Variants in MTA3 observed in about 807,000 individuals in gnomAD.
The protein encoded by MTA3 is metastasis-associated protein MTA3.
MTA3 carries 34 observed loss-of-function variants against 83.5 expected under a neutral mutation model. That is an observed-to-expected ratio of 0.41 (90% CI 0.31 to 0.54). The LOEUF is 0.54. Among genes scored for constraint, MTA3 ranks in the 20% least tolerant of loss-of-function variants. The pLI is 0.33. For synonymous variants in MTA3, 303 were observed against 252.7 expected (o/e 1.20, Z -1.89); for missense variants, 761 against 726.4 (o/e 1.05, Z -0.55).
intron 2 of MTA3, among the ~76,000 whole-genome samples, chr2:42,548,830 ATATATATATATATATAATATATATATAT>A (rs1676896050): frequency 3.8e-4 from 2 of 5,288 alleles, no homozygotes; most frequent in Non-Finnish European, 8.1e-4. Flanking sequence ...TATATATATA[ATATATATATATATATAATATATATATAT>A]AATATATATA....
chr2:42,678,871 T>C (rs2104428102), intron 8 of MTA3, among the ~76,000 whole-genome samples: 1 of 152,158 alleles, frequency 6.6e-6, no homozygotes, highest in Non-Finnish European at 1.5e-5. Flanking sequence ...ACATTTGAGC[T>C]CTCCTACAGT....
At chr2:42,569,633 T>A (rs1678247601) in intron 1 of MTA3, 1 of 152,122 alleles carries the variant, frequency 6.6e-6, no homozygotes. Flanking sequence ...AAAGAGCCAC[T>A]AAGATAGACA....
At chr2:42,514,986 C>T (rs1040519502) in intron 2 of MTA3, among the ~76,000 whole-genome samples, 3 of 151,732 alleles carry the variant, frequency 2.0e-5, no homozygotes, top group Non-Finnish European at 2.9e-5. Flanking sequence ...CCACTATGAC[C>T]GGCCTAAACT....
chr2:42,704,875 G>A (rs77283849), intron 12 of MTA3, among the ~76,000 whole-genome samples: 11 of 152,118 alleles, frequency 7.2e-5, no homozygotes, highest in South Asian at 2.1e-4. Context: ...AAATGGGGTC[G>A]GTGAAGTGAA....
At position 42,587,035 on chromosome 2, in the gene MTA3, AT is replaced by A. The variant is rs567792382; in HGVS notation, c.190+7836del. Among the ~76,000 whole-genome samples, 833 of 151,694 alleles carry A rather than the reference AT, an allele frequency of 5.5e-3. 11 individuals are homozygous for A. Among genetic ancestry groups the A allele is most frequent in the African/African-American group, 0.019 (767 of 41,364 alleles). ...AGACTCCATCTCAAAAAAAATAAAA[AT>A]GCAAAAATTAGTCAGGTGTGGTGGC... On this transcript the variant is annotated intron_variant, in intron 3 of 16. Coordinates refer to ENST00000405094, the MANE Select transcript of MTA3 (RefSeq NM_001330442.2).
chr2:42,533,905 C>T (rs533648270), intron 2 of MTA3, among the ~76,000 whole-genome samples: 3 of 151,682 alleles, frequency 2.0e-5, no homozygotes, highest in African/African-American at 7.3e-5. Context: ...CCGATTTTCT[C>T]TCTTTCTTTT....
chr2:42,753,305 T>C (rs1670019987), intron 16 of MTA3, 69 bp from the exon 17 acceptor site: 1 of 1,548,506 alleles, frequency 6.5e-7, no homozygotes, highest in African/African-American at 1.4e-5. Context: ...GGTGAGTCCA[T>C]CCTCCCTTTC....
At position 42,555,442 on chromosome 2, in the gene MTA3, C is replaced by T. The variant is rs1387659433; in HGVS notation, c.-140-14995C>T. On this transcript the variant is annotated intron_variant, in intron 2 of 17. Transcript: ENST00000405592. ...TGCACTCCAGCCTGGGCAACAAGAGCGAAACTCCATCTCAAAAAAAAAAAA... is the reference window on the plus strand; with the variant it reads ...TGCACTCCAGCCTGGGCAACAAGAGTGAAACTCCATCTCAAAAAAAAAAAA... 1.8e-4 allele frequency among the ~76,000 whole-genome samples: 16 copies of T among 86,808 alleles called. No individual in the cohort carries two copies. The South Asian group carries it at 1.9e-3, about 10-fold the overall frequency. 56.9% of individuals were successfully genotyped at this position (86,808 alleles called of 152,430 possible).
intron 7 of MTA3, among the ~76,000 whole-genome samples, chr2:42,656,719 T>C (rs1381855948): frequency 6.6e-6 from 1 of 152,230 alleles, no homozygotes; most frequent in African/African-American, 2.4e-5. Flanking sequence ...GCATAGCACT[T>C]TGCCTTGAGA....
intron 5 of MTA3, among the ~76,000 whole-genome samples, chr2:42,640,700 A>C (rs956441135): frequency 6.6e-6 from 1 of 152,224 alleles, no homozygotes; most frequent in Admixed American, 6.5e-5. Context: ...CTCAACAAGA[A>C]ATGTAGTTAA....
At chr2:42,625,588 T>TA (rs1205324222) in intron 4 of MTA3, among the ~76,000 whole-genome samples, 2 of 149,688 alleles carry the variant, frequency 1.3e-5, no homozygotes, top group African/African-American at 5.0e-5. Context: ...CTACTAAAAA[T>TA]ACAAAAAAAT....
intron 3 of MTA3, among the ~76,000 whole-genome samples, chr2:42,582,143 C>T (rs899344187): frequency 1.3e-5 from 2 of 152,004 alleles, no homozygotes; most frequent in South Asian, 2.1e-4. Flanking sequence ...CTGCAAGCTC[C>T]GCCTCCCAGG....
intron 2 of MTA3, among the ~76,000 whole-genome samples, chr2:42,540,169 G>GT (rs1676457575): frequency 1.6e-5 from 2 of 126,854 alleles, no homozygotes; most frequent in African/African-American, 5.9e-5. Context: ...TAACTTTGTA[G>GT]ATTTTTTTTT....
At chr2:42,745,889 C>T (rs562122174) in intron 16 of MTA3, among the ~76,000 whole-genome samples, 107 of 139,648 alleles carry the variant, frequency 7.7e-4, no homozygotes, top group African/African-American at 2.7e-3. Flanking sequence ...TCTTAGCTCG[C>T]TGCAACCTCT....
intron 2 of MTA3, among the ~76,000 whole-genome samples, chr2:42,518,028 T>C (rs1348008009): frequency 6.6e-6 from 1 of 150,650 alleles, no homozygotes; most frequent in African/African-American, 2.4e-5. Context: ...TCTACTAAAA[T>C]ACAAAAAATT....
chr2:42,655,995 A>AT (rs1482033133), intron 6 of MTA3, among the ~76,000 whole-genome samples: 3 of 152,248 alleles, frequency 2.0e-5, no homozygotes, highest in Non-Finnish European at 4.4e-5. Flanking sequence ...CTAAATGAAG[A>AT]TACCTTTCGG....
chr2:42,540,628 C>T (rs368240111), intron 2 of MTA3, among the ~76,000 whole-genome samples: 2 of 151,770 alleles, frequency 1.3e-5, no homozygotes, highest in African/African-American at 2.4e-5. Context: ...TGAGGCCAGG[C>T]GTTCAAGACC....
intron 3 of MTA3, among the ~76,000 whole-genome samples, chr2:42,600,953 C>G (rs529098706): frequency 3.9e-5 from 6 of 152,112 alleles, no homozygotes; most frequent in Non-Finnish European, 7.4e-5. Flanking sequence ...GTCGCTTAGG[C>G]TTGAGTGCAG....
At chr2:42,539,577 C>CTTT (rs34577240) in intron 2 of MTA3, among the ~76,000 whole-genome samples, 309 of 96,570 alleles carry the variant, frequency 3.2e-3, no homozygotes, top group East Asian at 5.2e-3. Context: ...AATTGTAAAG[C>CTTT]TTTTTTTTTT....
Sources: allele counts gnomAD v4.1 joint callset (sites outside exome capture counted in the v4.1 genomes callset), GRCh38; gene constraint gnomAD v4.1.1; transcripts MANE v1.5; gene names NCBI Gene and HGNC (gene_info 2026-07-23, HGNC 2026-07-21).